The following CSF2RA variants were observed in gnomAD, a reference collection of about 807,000 sequenced individuals.
CSF2RA encodes the protein colony stimulating factor 2 receptor subunit alpha.
CSF2RA carries 42 observed loss-of-function variants against 51.6 expected under a neutral mutation model. The ratio of observed to expected loss-of-function variants is 0.81; its 90% CI spans 0.64 to 1.05. CSF2RA has a LOEUF of 1.05. Ranked by LOEUF, CSF2RA falls within the 50% of genes least tolerant of loss-of-function variation. The pLI is 0.00. For missense variants in CSF2RA, 530 were observed against 501.1 expected (o/e 1.06, Z -0.55); for synonymous variants, 222 against 193.0 (o/e 1.15, Z -1.24).
intron 9 of CSF2RA, among the ~76,000 whole-genome samples, chrX:1,298,540 CT>C (rs2092136628): frequency 8.5e-6 from 1 of 118,216 alleles, no homozygotes; most frequent in African/African-American, 3.4e-5. Context: ...CTACAATCCC[CT>C]ACTCACAACC....
chrX:1,312,763 C>T (rs1238998492), downstream of CSF2RA, among the ~76,000 whole-genome samples: 1 of 152,102 alleles, frequency 6.6e-6, no homozygotes, highest in East Asian at 1.9e-4. Context: ...TTTCCTCCCT[C>T]GTGGGTGTTC....
At chrX:1,313,743 C>G (rs2084285161), downstream of CSF2RA, among the ~76,000 whole-genome samples, 1 of 151,710 alleles carries the variant, frequency 6.6e-6, no homozygotes, top group African/African-American at 2.4e-5. Flanking sequence ...AATCCCAGCA[C>G]TTTGGGAGGC....
chrX:1,319,997 G>C, the CSF2RA span, among the ~76,000 whole-genome samples: 168 of 139,100 alleles, frequency 1.2e-3, 8 homozygotes, highest in Non-Finnish European at 2.3e-3. Flanking sequence ...CTGGGTTCAC[G>C]CCATTCTCTT....
chrX:1,319,871 C>T, the CSF2RA span, among the ~76,000 whole-genome samples: 20 of 144,178 alleles, frequency 1.4e-4, 2 homozygotes, highest in Admixed American at 1.1e-3. Context: ...CGTGCCACCA[C>T]GCCTGGCTAA....
At chrX:1,281,136 C>G (rs2089982954) in intron 2 of CSF2RA, among the ~76,000 whole-genome samples, 1 of 127,210 alleles carries the variant, frequency 7.9e-6, no homozygotes, top group African/African-American at 3.2e-5. Context: ...TCCTCCTGCT[C>G]CTCCTCCTCC....
chrX:1,284,195 C>CTT lies in CSF2RA; in HGVS notation c.76+1441_76+1442dup, dbSNP rs752104115. ...CAAGCGGTTTTCTTTCTCTGTCTCT[C>CTT]TTTTTTTTTTTTTTTTTTTTTTTTT... On this transcript the variant is annotated intron_variant, in intron 3 of 12. Coordinates refer to ENST00000381529, the MANE Select transcript of CSF2RA (RefSeq NM_172245.4). 5.8e-4 allele frequency among the ~76,000 whole-genome samples: 53 copies of CTT among 91,774 alleles called. 2 individuals carry two copies. The highest frequency in any genetic ancestry group is 9.8e-4 in the African/African-American group (25 of 25,400). 60.2% of individuals were successfully genotyped at this position (91,774 alleles called of 152,430 possible). A position where few individuals can be genotyped will look rare whatever the true frequency, so the allele number is the denominator to read the frequency against.
intron 4 of CSF2RA, among the ~76,000 whole-genome samples, chrX:1,287,810 C>G (rs2090930587): frequency 7.2e-6 from 1 of 138,434 alleles, no homozygotes; most frequent in Non-Finnish European, 1.6e-5. Context: ...GATCTCAGCT[C>G]ACTGCAACCT....
rs747934864 is a variant in CSF2RA at position 1,294,023 on chromosome X, CAGTGTAG to C, written c.647-303_647-297del. On this transcript the variant is annotated intron_variant, in intron 7 of 12. Transcript: ENST00000381529. ...ACCCTGCCCCACCTCCACCTGGACC[CAGTGTAG>C]ACAGGAGAAGACTGCACCACCTCCA... 3 of 213,806 alleles carry C rather than the reference CAGTGTAG, an allele frequency of 1.4e-5. No individual in the cohort carries two copies. The African/African-American group carries it at 1.7e-4, about 12-fold the overall frequency. 13.2% of individuals were successfully genotyped at this position (213,806 alleles called of 1,614,324 possible). A position where few individuals can be genotyped will look rare whatever the true frequency, so the allele number is the denominator to read the frequency against.
intron 9 of CSF2RA, among the ~76,000 whole-genome samples, chrX:1,298,789 C>A (rs1478744641): frequency 1.3e-5 from 2 of 151,988 alleles, no homozygotes; most frequent in African/African-American, 4.8e-5. Flanking sequence ...TACCCACGAC[C>A]TATGTCTGCC....
chrX:1,300,251 C>T (rs2092281172), intron 9 of CSF2RA: 2 of 499,372 alleles, frequency 4.0e-6, no homozygotes, highest in East Asian at 6.8e-5. Context: ...AATAAAAAAG[C>T]TTAAAGCCTA....
intron 1 of CSF2RA, among the ~76,000 whole-genome samples, chrX:1,274,016 G>A (rs1360682683): frequency 1.3e-5 from 2 of 152,032 alleles, no homozygotes; most frequent in South Asian, 2.1e-4. Context: ...GAAGCTTGGC[G>A]GCCTCTATTT....
At chrX:1,318,284 C>T in the CSF2RA span, among the ~76,000 whole-genome samples, 8 of 151,936 alleles carry the variant, frequency 5.3e-5, no homozygotes, top group Admixed American at 5.3e-4. Context: ...CTGCCTCAGC[C>T]TCCCAAGTAG....
chrX:1,324,476 G>A, the CSF2RA span, among the ~76,000 whole-genome samples: 1 of 127,412 alleles, frequency 7.8e-6, no homozygotes, highest in Non-Finnish European at 1.6e-5. Context: ...GGGCAAGCAA[G>A]CAAGCAGGGA....
chrX:1,292,790 G>A (rs1416233621), intron 7 of CSF2RA, among the ~76,000 whole-genome samples: 1 of 152,098 alleles, frequency 6.6e-6, no homozygotes, highest in African/African-American at 2.4e-5. Context: ...AGGAGACGGA[G>A]GGCTTCCTCT....
intron 10 of CSF2RA, among the ~76,000 whole-genome samples, chrX:1,301,331 CAAAA>C (rs1156943650): frequency 1.6e-5 from 1 of 62,706 alleles, no homozygotes; most frequent in Non-Finnish European, 2.8e-5. Context: ...GACTCTGTCT[CAAAA>C]AAAAAAAAAA....
rs1163320479 is a variant in CSF2RA at position 1,295,432 on chromosome X, C to A, written c.786C>A (p.Thr262=). Residue 262 remains threonine (T), a synonymous_variant, in exon 9 of 13, where the codon ACC becomes ACA. Coordinates refer to ENST00000381529, the MANE Select transcript of CSF2RA (RefSeq NM_172245.4). ...QYQLDVHRKN[T]QPGTENLLIN... is the part of the protein sequence containing the mutation. The stretch of plus-strand genomic sequence containing the variant: ...GTGTTTTGTTTTGTTTCTAGAATAC[C>A]CAGCCTGGCACGGAAAACCTACTGG... 6.2e-7 allele frequency: 1 copy of A among 1,613,452 alleles called. No homozygotes were observed. Among genetic ancestry groups the A allele is most frequent in the East Asian group, 2.2e-5 (1 of 44,880 alleles).
chrX:1,290,793 G>A (rs1241556119), intron 7 of CSF2RA, among the ~76,000 whole-genome samples: 8 of 152,142 alleles, frequency 5.3e-5, no homozygotes, highest in South Asian at 2.1e-4. Context: ...CCTAGGAGGC[G>A]GACGTTGCAA....
intron 12 of CSF2RA, among the ~76,000 whole-genome samples, chrX:1,306,215 A>G (rs1361701952): frequency 6.6e-6 from 1 of 151,978 alleles, no homozygotes; most frequent in African/African-American, 2.4e-5. Context: ...AGAGAGGGAA[A>G]CAGGCAGACA....
chrX:1,323,764 C>T, the CSF2RA span, among the ~76,000 whole-genome samples: 1 of 152,002 alleles, frequency 6.6e-6, no homozygotes, highest in Admixed American at 6.6e-5. Context: ...CCTGTAATCC[C>T]AGCACTTTGG....
Sources: gnomAD v4.1 joint callset for allele counts (sites outside exome capture counted in the v4.1 genomes callset) on GRCh38, gnomAD v4.1.1 for gene constraint, MANE v1.5 for transcripts, NCBI Gene and HGNC (gene_info 2026-07-23, HGNC 2026-07-21) for gene names.